Variants in KIAA1671 observed in about 807,000 individuals in gnomAD.
KIAA1671 encodes KIAA1671, also known as uncharacterized protein KIAA1671.
KIAA1671 carries 52 observed loss-of-function variants against 131.2 expected under a neutral mutation model. That is an observed-to-expected ratio of 0.40 (90% CI 0.32 to 0.50). KIAA1671 has a LOEUF of 0.50. Among genes scored for constraint, KIAA1671 ranks in the 20% least tolerant of loss-of-function variants. KIAA1671 has a pLI of 0.73. For synonymous variants in KIAA1671, 1,003 were observed against 961.6 expected (o/e 1.04, Z -0.80); for missense variants, 2,360 against 2,364.2 (o/e 1.00, Z 0.04).
chr22:25,007,212 G>T (rs907677491), intron 1 of KIAA1671, among the ~76,000 whole-genome samples: 1 of 152,190 alleles, frequency 6.6e-6, no homozygotes, highest in Admixed American at 6.5e-5. Flanking sequence ...TGTTAGCCAG[G>T]TGCGGTGGCT....
chr22:25,042,608 A>C (rs1310695374), intron 5 of KIAA1671, among the ~76,000 whole-genome samples: 3 of 151,786 alleles, frequency 2.0e-5, no homozygotes, highest in African/African-American at 7.2e-5. Context: ...CTGGGATTAC[A>C]GGAGCCCGCC....
chr22:25,010,302 T>G (rs1484191292), intron 1 of KIAA1671: 1 of 152,064 alleles, frequency 6.6e-6, no homozygotes, highest in Non-Finnish European at 1.5e-5. Context: ...TGCCTCAGAC[T>G]CCCGAGTAGC....
chr22:25,185,333 T>G (rs912067053), intron 11 of KIAA1671: 23 of 542,754 alleles, frequency 4.2e-5, no homozygotes, highest in African/African-American at 3.5e-4. Context: ...TCAGGCCAGC[T>G]GGCCTCTCCT....
intron 1 of KIAA1671, among the ~76,000 whole-genome samples, chr22:25,015,908 G>C (rs928232303): frequency 6.6e-6 from 1 of 152,200 alleles, no homozygotes; most frequent in Non-Finnish European, 1.5e-5. Context: ...TACACACTCC[G>C]TACGAAAATG....
chr22:24,966,228 C>T (rs773270239), intron 1 of KIAA1671, among the ~76,000 whole-genome samples: 9 of 152,176 alleles, frequency 5.9e-5, no homozygotes, highest in Non-Finnish European at 1.0e-4. Flanking sequence ...GTTTTGCTTC[C>T]TCAGGGAGGA....
intron 9 of KIAA1671, among the ~76,000 whole-genome samples, chr22:25,181,097 T>C (rs1934256161): frequency 6.6e-6 from 1 of 152,136 alleles, no homozygotes. Flanking sequence ...CAATCCTCAC[T>C]GTGCCCATGC....
At chr22:25,012,623 C>G (rs1925099017) in intron 1 of KIAA1671, 1 of 152,094 alleles carries the variant, frequency 6.6e-6, no homozygotes, top group Non-Finnish European at 1.5e-5. Flanking sequence ...AGGAACCTTG[C>G]AAAAACTCTT....
intron 1 of KIAA1671, among the ~76,000 whole-genome samples, chr22:24,989,381 C>G (rs1332035530): frequency 6.6e-6 from 1 of 152,174 alleles, no homozygotes; most frequent in Non-Finnish European, 1.5e-5. Flanking sequence ...GGTCTCAGCT[C>G]ACATGGCACC....
chr22:24,965,553 A>C (rs955343058), intron 1 of KIAA1671, among the ~76,000 whole-genome samples: 2 of 151,908 alleles, frequency 1.3e-5, no homozygotes, highest in African/African-American at 4.8e-5. Context: ...AGCCTGGCCA[A>C]CATGGTGAAA....
chr22:25,037,640 G>A (rs1926688684), intron 4 of KIAA1671, among the ~76,000 whole-genome samples: 1 of 151,962 alleles, frequency 6.6e-6, no homozygotes, highest in Admixed American at 6.6e-5. Context: ...TGGAAACCTT[G>A]TGTCCTCGTC....
At chr22:24,966,971 T>G (rs1177280846) in intron 1 of KIAA1671, among the ~76,000 whole-genome samples, 1 of 152,084 alleles carries the variant, frequency 6.6e-6, no homozygotes, top group Non-Finnish European at 1.5e-5. Flanking sequence ...AATGAACGAA[T>G]GAATGAATGG....
chr22:25,184,225 C>T (rs1013502469), intron 10 of KIAA1671, among the ~76,000 whole-genome samples: 4 of 152,354 alleles, frequency 2.6e-5, no homozygotes, highest in Non-Finnish European at 4.4e-5. Flanking sequence ...TGTGTGACTT[C>T]GGGCTAGACC....
In KIAA1671 at chr22:25,039,797, G is replaced by A. The variant is rs1225977234; in HGVS notation, c.2667G>A (p.Arg889=). 1.1e-5 allele frequency: 16 copies of A among 1,514,372 alleles called. No individual in the cohort carries two copies. In the South Asian group the frequency reaches 1.9e-4, roughly 18 times the overall value. The allele number at this position is 1,514,372 out of a possible 1,614,324, so 93.8% of individuals were successfully genotyped here. ...PQGCPLDPLS[R]ATNGPSDSQA... ...GATGCCCCCTCGATCCTCTTTCCAG[G>A]GCTACGAATGGGCCTTCTGACTCCC... The change falls in exon 5 of 13, where the codon AGG becomes AGA. Residue 889 remains arginine (R), a synonymous_variant. Coordinates refer to ENST00000358431, the MANE Select transcript of KIAA1671 (RefSeq NM_001145206.2).
chr22:25,015,565 C>A (rs5996813), intron 1 of KIAA1671, among the ~76,000 whole-genome samples: 2 of 152,024 alleles, frequency 1.3e-5, no homozygotes, highest in Non-Finnish European at 2.9e-5. Context: ...CTTGGACAAG[C>A]GGCCTGGGGT....
rs1029252315 is a variant in KIAA1671 at position 25,047,559 on chromosome 22, A to G, written c.4396-1671A>G. 1.0e-3 allele frequency among the ~76,000 whole-genome samples: 142 copies of G among 138,824 alleles called. 1 individual carries two copies. Among genetic ancestry groups the G allele is most frequent in the Non-Finnish European group, 6.1e-4 (40 of 65,704 alleles). The allele number at this position is 138,824 out of a possible 152,430, so 91.1% of individuals were successfully genotyped here. On this transcript the variant is annotated intron_variant, in intron 5 of 12. Transcript: ENST00000358431. ...GTGATGTCGGCTCACTGCAATCTCC[A>G]CCTCCTGGGTTCAAGCAATTCTCCT...
intron 1 of KIAA1671, among the ~76,000 whole-genome samples, chr22:24,967,714 C>T (rs148364918): frequency 2.1e-4 from 32 of 152,292 alleles, no homozygotes; most frequent in East Asian, 3.9e-4. Context: ...GGATGAGGGC[C>T]GGGCGCGGTG....
chr22:25,135,777 C>T (rs753597666), intron 6 of KIAA1671, among the ~76,000 whole-genome samples: 5 of 152,174 alleles, frequency 3.3e-5, no homozygotes, highest in African/African-American at 7.2e-5. Flanking sequence ...TTTGGTTCTG[C>T]GTTTCCAGTT....
chr22:25,033,305 G>T (rs1926391623), intron 4 of KIAA1671, among the ~76,000 whole-genome samples: 1 of 152,032 alleles, frequency 6.6e-6, no homozygotes, highest in Admixed American at 6.6e-5. Flanking sequence ...CAGGAGGATT[G>T]CTTGAGCTCA....
chr22:25,140,462 G>A (rs1309266508), intron 6 of KIAA1671, among the ~76,000 whole-genome samples: 2 of 151,364 alleles, frequency 1.3e-5, no homozygotes, highest in African/African-American at 2.4e-5. Flanking sequence ...TGCAAGCTCC[G>A]CCTCCCAGGT....
Sources: allele counts gnomAD v4.1 joint callset (sites outside exome capture counted in the v4.1 genomes callset), GRCh38; gene constraint gnomAD v4.1.1; transcripts MANE v1.5; gene names NCBI Gene and HGNC (gene_info 2026-07-23, HGNC 2026-07-21).